CD244: variants seen among roughly 807,000 people sequenced by gnomAD.
The protein encoded by CD244 is CD244 molecule, also known as natural killer cell receptor 2B4.
A neutral mutation model predicts 45.5 loss-of-function variants in CD244; 20 were observed. That is an observed-to-expected ratio of 0.44 (90% CI 0.31 to 0.64). The LOEUF is 0.64. Among genes scored for constraint, CD244 ranks in the 30% least tolerant of loss-of-function variants. The pLI, the probability that CD244 is intolerant of heterozygous loss-of-function variation, is 0.08. For synonymous variants in CD244, 185 were observed against 160.5 expected (o/e 1.15, Z -1.15); for missense variants, 407 against 426.9 (o/e 0.95, Z 0.41).
chr1:160,858,495 C>A (rs11265498), intron 1 of CD244, among the ~76,000 whole-genome samples: 30 of 152,084 alleles, frequency 2.0e-4, no homozygotes, highest in African/African-American at 7.2e-4. Flanking sequence ...TTCCTCAGAA[C>A]GGACAACTGA....
In CD244 at chr1:160,836,325, A is replaced by G. The variant is rs111408118; in HGVS notation, c.835-71T>C. 113 of 1,184,522 alleles carry G rather than the reference A, an allele frequency of 9.5e-5. 1 individual carries two copies. In the African/African-American group the frequency reaches 1.5e-3, roughly 16 times the overall value. 73.4% of individuals were successfully genotyped at this position (1,184,522 alleles called of 1,614,324 possible). ...TGTCCAGATTTAGATTGAGTGGGGA[A>G]AAACAGCACAAAGAAGAGGGCTTTT... On this transcript the variant is annotated intron_variant, in intron 5 of 8. Transcript: ENST00000368034.
chr1:160,861,990 G>C (rs1670327619), intron 1 of CD244, among the ~76,000 whole-genome samples: 1 of 152,232 alleles, frequency 6.6e-6, no homozygotes, highest in African/African-American at 2.4e-5. Context: ...GTAAATGTTA[G>C]ATGGCTCCAT....
intron 1 of CD244, among the ~76,000 whole-genome samples, chr1:160,846,441 T>G (rs1669743139): frequency 6.6e-6 from 1 of 152,100 alleles, no homozygotes; most frequent in South Asian, 2.1e-4. Context: ...CTGAAGCAGG[T>G]GAATCAGTTG....
intron 1 of CD244, among the ~76,000 whole-genome samples, chr1:160,856,748 A>G (rs113217141): frequency 1.3e-5 from 2 of 152,166 alleles, no homozygotes; most frequent in African/African-American, 2.4e-5. Flanking sequence ...TTGGAGCATA[A>G]TAAGGGCTGG....
rs187817906 is a variant in CD244, at chr1:160,844,686, T to A, written c.62-2785A>T. On this transcript the variant is annotated intron_variant, in intron 1 of 8. Transcript: ENST00000368034. ...ACAGCTAAGGCCATTCTAAATCAGC[T>A]AGCCCTGGCCTGGTGCGGTGGCTCA... is the stretch of plus-strand genomic sequence containing the variant. Among the ~76,000 whole-genome samples the A allele has an allele frequency of 7.9e-5, 12 of 152,316 alleles. No homozygotes were observed. The East Asian group carries it at 2.3e-3, about 29-fold the overall frequency.
At chr1:160,849,283 C>CTTTTTTTTTTTTTTTTTT (rs371170555) in intron 1 of CD244, among the ~76,000 whole-genome samples, 4 of 139,328 alleles carry the variant, frequency 2.9e-5, no homozygotes, top group African/African-American at 2.6e-5. Context: ...CCATCTCTTT[C>CTTTTTTTTTTTTTTTTTT]TTTTTTTTTT....
chr1:160,832,426 G>GTGAA lies in CD244; in HGVS notation c.1017+89_1017+92dup, dbSNP rs1331775076. On this transcript the variant is annotated intron_variant, in intron 8 of 8. Coordinates refer to ENST00000368034, the MANE Select transcript of CD244 (RefSeq NM_016382.4). The stretch of plus-strand genomic sequence containing the variant: ...AAATTCCCTACAACTCTGAGACTGT[G>GTGAA]TGAATGATCTTTTCCTAAGTGTACC... The GTGAA allele has an allele frequency of 1.8e-5, 14 of 775,614 alleles. No individual in the cohort carries two copies. The East Asian group carries it at 3.5e-4, about 19-fold the overall frequency. 48.0% of individuals were successfully genotyped at this position (775,614 alleles called of 1,614,324 possible).
In CD244 at chr1:160,838,820, C is replaced by A. The variant is rs1392843463; in HGVS notation, c.766+119G>T. 6 of 705,398 alleles carry A rather than the reference C, an allele frequency of 8.5e-6. No homozygotes were observed. In the South Asian group the frequency reaches 1.1e-4, roughly 13 times the overall value. 43.7% of individuals were successfully genotyped at this position (705,398 alleles called of 1,614,324 possible). On this transcript the variant is annotated intron_variant, in intron 4 of 8. Coordinates refer to ENST00000368034, the MANE Select transcript of CD244 (RefSeq NM_016382.4). The stretch of plus-strand genomic sequence containing the variant: ...CCCGCCACCACGCACACAAACATAC[C>A]AAAGCTCGTTGAGGAAAAGGAGATG...
intron 1 of CD244, among the ~76,000 whole-genome samples, chr1:160,854,200 G>A (rs1365819542): frequency 6.6e-6 from 1 of 152,136 alleles, no homozygotes; most frequent in Non-Finnish European, 1.5e-5. Flanking sequence ...GTGAGAGGTA[G>A]CACAAGTATT....
At chr1:160,855,209 GA>G (rs1670062926) in intron 1 of CD244, among the ~76,000 whole-genome samples, 1 of 152,220 alleles carries the variant, frequency 6.6e-6, no homozygotes, top group African/African-American at 2.4e-5. Context: ...ACAGGGCCTT[GA>G]AAGAGATGAC....
intron 1 of CD244, among the ~76,000 whole-genome samples, chr1:160,856,148 T>A (rs1268808662): frequency 6.6e-6 from 1 of 152,200 alleles, no homozygotes; most frequent in African/African-American, 2.4e-5. Context: ...CAGAGTCCAG[T>A]GAGATTCCAA....
chr1:160,859,660 A>G (rs758326459), intron 1 of CD244, among the ~76,000 whole-genome samples: 25 of 151,270 alleles, frequency 1.7e-4, no homozygotes, highest in South Asian at 8.4e-4. Flanking sequence ...TAGTCCCACC[A>G]CTTTGGGAGA....
At chr1:160,838,303 G>C in intron 5 of CD244, 148 bp downstream of exon 5, 1 of 708,534 alleles carries the variant, frequency 1.4e-6, no homozygotes, top group Non-Finnish European at 2.6e-6. Flanking sequence ...TAGGAAGCAG[G>C]TGGAGAAAAG....
chr1:160,862,065 C>T (rs114802258), intron 1 of CD244, among the ~76,000 whole-genome samples: 8,089 of 152,136 alleles, frequency 0.053, 294 homozygotes, highest in Non-Finnish European at 0.079. Context: ...TCTGCCCCAA[C>T]CCTGCATGTC....
chr1:160,840,399 T>C (rs1045898565), intron 3 of CD244, among the ~76,000 whole-genome samples: 3 of 152,016 alleles, frequency 2.0e-5, no homozygotes, highest in South Asian at 2.1e-4. Flanking sequence ...GTAGCTGAGA[T>C]TACAGGTGCC....
intron 1 of CD244, among the ~76,000 whole-genome samples, chr1:160,855,785 G>C (rs1034208956): frequency 1.3e-5 from 2 of 152,198 alleles, no homozygotes; most frequent in Non-Finnish European, 1.5e-5. Context: ...CTCTGAAAGG[G>C]AGGGCAGAGG....
intron 3 of CD244, among the ~76,000 whole-genome samples, chr1:160,840,553 C>T (rs986316701): frequency 1.3e-5 from 2 of 152,154 alleles, no homozygotes; most frequent in Admixed American, 6.5e-5. Flanking sequence ...CCACTGCGCC[C>T]GGCCTGCCTC....
intron 1 of CD244, among the ~76,000 whole-genome samples, chr1:160,842,957 G>A (rs888378454): frequency 6.6e-6 from 1 of 152,160 alleles, no homozygotes; most frequent in Non-Finnish European, 1.5e-5. Flanking sequence ...TGGGTGAGTT[G>A]GGGAGGCTCA....
chr1:160,838,309 A>G (rs1346683988), intron 5 of CD244, 142 bp downstream of exon 5: 3 of 718,296 alleles, frequency 4.2e-6, no homozygotes, highest in East Asian at 5.0e-5. Context: ...GCAGGTGGAG[A>G]AAAGATAGAT....
Sources: gnomAD v4.1 joint callset for allele counts (sites outside exome capture counted in the v4.1 genomes callset) on GRCh38, gnomAD v4.1.1 for gene constraint, MANE v1.5 for transcripts, NCBI Gene and HGNC (gene_info 2026-07-23, HGNC 2026-07-21) for gene names.